The following PLAC1 variants were observed in gnomAD, a reference collection of about 807,000 sequenced individuals.
PLAC1 encodes the protein placenta-specific protein 1.
For missense variants in PLAC1, 136 were observed against 163.2 expected (o/e 0.83, Z 0.91); for synonymous variants, 68 against 62.1 (o/e 1.09, Z -0.44).
chrX:134,678,088 T>C (rs2078481603), intron 2 of PLAC1, among the ~76,000 whole-genome samples: 1 of 111,571 alleles, frequency 9.0e-6, no homozygotes, highest in Admixed American at 9.5e-5. Flanking sequence ...GCCTATACAC[T>C]TGCCCTGCTG....
intron 2 of PLAC1, among the ~76,000 whole-genome samples, chrX:134,598,949 C>T (rs1318246723): frequency 9.0e-6 from 1 of 111,352 alleles, no homozygotes. Context: ...CTAGAAAAAC[C>T]CATCTTTTCA....
intron 2 of PLAC1, among the ~76,000 whole-genome samples, chrX:134,574,250 G>A (rs2077926012): frequency 9.0e-6 from 1 of 111,186 alleles, no homozygotes; most frequent in Admixed American, 9.6e-5. Context: ...TTAAAAATGG[G>A]GTCTTGATCT....
intron 1 of PLAC1, chrX:134,604,499 A>T (rs1305623626): frequency 9.0e-6 from 1 of 111,563 alleles, no homozygotes; most frequent in Non-Finnish European, 1.9e-5. Context: ...TTGTGGCATG[A>T]TTCACTGAAA....
chrX:134,599,092 T>A (rs1197829765), intron 2 of PLAC1, among the ~76,000 whole-genome samples: 2 of 111,508 alleles, frequency 1.8e-5, no homozygotes, highest in Non-Finnish European at 3.8e-5. Flanking sequence ...TGGTAGGTGG[T>A]TTTTTATGAG....
At chrX:134,666,697 T>C (rs2147808624) in intron 2 of PLAC1, among the ~76,000 whole-genome samples, 1 of 112,010 alleles carries the variant, frequency 8.9e-6, no homozygotes, top group Non-Finnish European at 1.9e-5. Context: ...CCAGGTTGAG[T>C]CATTAGACCT....
chrX:134,589,957 A>C (rs770800166), intron 2 of PLAC1, among the ~76,000 whole-genome samples: 1 of 110,873 alleles, frequency 9.0e-6, no homozygotes, highest in Admixed American at 9.6e-5. Flanking sequence ...GCACTTTGGG[A>C]GGCCAAGGTG....
chrX:134,608,020 T>G (rs892283034), intron 1 of PLAC1, among the ~76,000 whole-genome samples: 2 of 112,155 alleles, frequency 1.8e-5, no homozygotes, highest in Non-Finnish European at 3.8e-5. Flanking sequence ...AAATGTGTAT[T>G]CCTTCAAGCT....
At chrX:134,710,808 T>C (rs1035298593) in intron 2 of PLAC1, among the ~76,000 whole-genome samples, 1 of 109,970 alleles carries the variant, frequency 9.1e-6, no homozygotes, top group Admixed American at 9.7e-5. Flanking sequence ...CATGTAGCAC[T>C]TTTTTTTTAA....
At chrX:134,726,218 AC>A (rs2078673665) in intron 2 of PLAC1, among the ~76,000 whole-genome samples, 1 of 110,991 alleles carries the variant, frequency 9.0e-6, no homozygotes, top group Non-Finnish European at 1.9e-5. Flanking sequence ...ATGATGCTTG[AC>A]AAATTTATTG....
At chrX:134,595,416 TG>T (rs1419005075) in intron 2 of PLAC1, among the ~76,000 whole-genome samples, 1 of 110,211 alleles carries the variant, frequency 9.1e-6, no homozygotes, top group East Asian at 2.8e-4. Context: ...TCTGTCTAGT[TG>T]TTCTATCAAT....
At chrX:134,690,378 A>T (rs2078531840) in intron 2 of PLAC1, among the ~76,000 whole-genome samples, 1 of 111,978 alleles carries the variant, frequency 8.9e-6, no homozygotes, top group African/African-American at 3.3e-5. Flanking sequence ...ATATGAGAAG[A>T]TATGGATCAC....
intron 2 of PLAC1, among the ~76,000 whole-genome samples, chrX:134,592,720 C>CTTT (rs141372595): frequency 4.4e-4 from 27 of 61,419 alleles, no homozygotes; most frequent in African/African-American, 1.4e-3. Context: ...CTCTGTGTCT[C>CTTT]TTTTTTTTTT....
intron 1 of PLAC1, among the ~76,000 whole-genome samples, chrX:134,763,824 A>AAAAGAAAGAAAGAAAG (rs58989876): frequency 4.2e-3 from 379 of 90,506 alleles, no homozygotes; most frequent in African/African-American, 0.015. Flanking sequence ...TCCGAAAAAA[A>AAAAGAAAGAAAGAAAG]AAAGAAAGAA....
intron 2 of PLAC1, among the ~76,000 whole-genome samples, chrX:134,577,545 T>A (rs2077946106): frequency 9.0e-6 from 1 of 111,441 alleles, no homozygotes. Flanking sequence ...AAAAATTAGC[T>A]GGGCGTGGTG....
intron 2 of PLAC1, among the ~76,000 whole-genome samples, chrX:134,675,689 C>T (rs2078472140): frequency 9.0e-6 from 1 of 110,685 alleles, no homozygotes; most frequent in Admixed American, 9.6e-5. Context: ...AAGAAAGTGG[C>T]CTTTTTTCCC....
chrX:134,585,514 A>G (rs2077995949), intron 2 of PLAC1, among the ~76,000 whole-genome samples: 1 of 110,985 alleles, frequency 9.0e-6, no homozygotes, highest in South Asian at 3.8e-4. Flanking sequence ...AGAGTGAGGG[A>G]TATCTGTGAG....
At chrX:134,575,838 T>TA (rs1179537183) in intron 2 of PLAC1, among the ~76,000 whole-genome samples, 1 of 108,799 alleles carries the variant, frequency 9.2e-6, no homozygotes, top group African/African-American at 3.3e-5. Context: ...ATTACTTGTT[T>TA]AAAAAAAAGC....
intron 2 of PLAC1, among the ~76,000 whole-genome samples, chrX:134,717,889 C>T (rs2078647836): frequency 9.0e-6 from 1 of 111,678 alleles, no homozygotes; most frequent in African/African-American, 3.3e-5. Flanking sequence ...TGAGATTTGA[C>T]ATCATGTGAG....
chrX:134,673,508 A>G (rs967366519), intron 2 of PLAC1, among the ~76,000 whole-genome samples: 1 of 110,323 alleles, frequency 9.1e-6, no homozygotes, highest in Non-Finnish European at 1.9e-5. Context: ...AAGTCTCATC[A>G]TAGTCTCAAT....
Sources: gnomAD v4.1 joint callset for allele counts (sites outside exome capture counted in the v4.1 genomes callset) on GRCh38, gnomAD v4.1.1 for gene constraint, MANE v1.5 for transcripts, NCBI Gene and HGNC (gene_info 2026-07-23, HGNC 2026-07-21) for gene names.